CXorf66: variants seen among roughly 807,000 people sequenced by gnomAD.
CXorf66 encodes chromosome X open reading frame 66, also known as uncharacterized protein CXorf66.
CXorf66 carries 6 observed loss-of-function variants against 5.0 expected under a neutral mutation model. That is an observed-to-expected ratio of 1.20 (90% CI 0.65 to 2.36). CXorf66 has a LOEUF of 2.36. CXorf66 is among the 30% of genes most tolerant of loss of function. The pLI, the probability that CXorf66 is intolerant of heterozygous loss-of-function variation, is 0.00. For synonymous variants in CXorf66, 98 were observed against 102.8 expected, an observed-to-expected ratio of 0.95 and a Z score of 0.28; for missense variants, 270 against 254.9, an observed-to-expected ratio of 1.06 and a Z score of -0.40.
At chrX:139,962,111 C>A (rs1330109726) in intron 1 of CXorf66, among the ~76,000 whole-genome samples, 1 of 110,597 alleles carries the variant, frequency 9.0e-6, no homozygotes, top group Non-Finnish European at 1.9e-5. Context: ...AAAAACCCTT[C>A]AAAAAAATCA....
In CXorf66 at chrX:139,955,985, A is replaced by G; in HGVS notation, c.997T>C (p.Tyr333His). 1 of 1,210,012 alleles carries G rather than the reference A, an allele frequency of 8.3e-7. No homozygotes were observed. The highest frequency in any genetic ancestry group is 1.1e-6 in the Non-Finnish European group (1 of 894,084). Residue 333 changes from tyrosine to histidine, a missense_variant, in exon 3 of 3, where the codon TAT becomes CAT. Tyr to His is a moderately conservative substitution (Grantham distance 83). Transcript: ENST00000370540. ...HVNDSDTMKYYSEVDSDKVII... is the reference protein window; with the variant it reads ...HVNDSDTMKYHSEVDSDKVII... ...ACTTTATCACTGTCAACCTCACTAT[A>G]ATATTTCATCGTATCACTGTCATTC...
chrX:139,959,023 G>GT (rs893547483), intron 1 of CXorf66, among the ~76,000 whole-genome samples: 3 of 111,603 alleles, frequency 2.7e-5, no homozygotes, highest in Admixed American at 9.6e-5. Context: ...AGCTGTAGCA[G>GT]TTTTTTTTCC....
At chrX:139,963,530 A>G (rs1267909862) in intron 1 of CXorf66, among the ~76,000 whole-genome samples, 3 of 112,159 alleles carry the variant, frequency 2.7e-5, no homozygotes, top group Non-Finnish European at 3.8e-5. Context: ...TCAAGCTACC[A>G]CTGACTTTCT....
rs776016336 is a variant in CXorf66 at position 139,964,070 on chromosome X, A to G, written c.88+1339T>C. On this transcript the variant is annotated intron_variant, in intron 1 of 2. Coordinates refer to ENST00000370540, the MANE Select transcript of CXorf66 (RefSeq NM_001013403.3). ...AAGCCAAAATTGACAAATGGAATCT[A>G]ATTAAACTAAAGAGCTTCTGCACAG... is the stretch of plus-strand genomic sequence containing the variant. 5.4e-5 allele frequency among the ~76,000 whole-genome samples: 6 copies of G among 112,036 alleles called. No individual in the cohort carries two copies. In the East Asian group the frequency reaches 1.7e-3, roughly 32 times the overall value.
rs140101858 is a variant in CXorf66, at chrX:139,960,366, A to C, written c.89-2149T>G. Reference sequence around the variant, plus strand: ...ACTTACTGAAATAAGGTGTGAAAACAGGATTAGAGAAAAAAGAATGAAAAA... The same window carrying C: ...ACTTACTGAAATAAGGTGTGAAAACCGGATTAGAGAAAAAAGAATGAAAAA... On this transcript the variant is annotated intron_variant, in intron 1 of 2. Transcript: ENST00000370540. Among the ~76,000 whole-genome samples, 826 of 109,540 alleles carry C rather than the reference A, an allele frequency of 7.5e-3. 5 individuals are homozygous for C. Among genetic ancestry groups the C allele is most frequent in the Non-Finnish European group, 0.012 (638 of 52,817 alleles).
intron 1 of CXorf66, among the ~76,000 whole-genome samples, chrX:139,964,414 C>T (rs1926642769): frequency 9.0e-6 from 1 of 111,603 alleles, no homozygotes; most frequent in African/African-American, 3.3e-5. Flanking sequence ...CTGGAAACAA[C>T]AGATGCTGAT....
intron 2 of CXorf66, among the ~76,000 whole-genome samples, chrX:139,957,382 AAGAG>A (rs1292324339): frequency 3.6e-5 from 4 of 110,900 alleles, no homozygotes; most frequent in East Asian, 2.8e-4. Flanking sequence ...CACAAAGAGA[AAGAG>A]AGAGAGAGAA....
Position 139,956,209 on chromosome X carries a change from G to A in CXorf66, c.773C>T (p.Ser258Phe), listed in dbSNP as rs1230564375. ...SVSLGRAALL[S>F]NSELAETCQP... ...ACAAGTTTCAGCTAATTCAGAGTTGGATAATAAGGCTGCCCTGCCTAGACT... is the reference window on the plus strand; with the variant it reads ...ACAAGTTTCAGCTAATTCAGAGTTGAATAATAAGGCTGCCCTGCCTAGACT... Residue 258 changes from serine to phenylalanine, a missense_variant, in exon 3 of 3, where the codon TCC (serine) becomes TTC (phenylalanine). Ser to Phe is a radical substitution (Grantham distance 155). Transcript: ENST00000370540. The A allele has an allele frequency of 8.3e-7, 1 of 1,211,493 alleles. No individual in the cohort carries two copies. Among genetic ancestry groups the A allele is most frequent in the Non-Finnish European group, 1.1e-6 (1 of 895,165 alleles).
At chrX:139,961,756 GTT>G (rs1200782782) in intron 1 of CXorf66, among the ~76,000 whole-genome samples, 1 of 111,757 alleles carries the variant, frequency 8.9e-6, no homozygotes, top group African/African-American at 3.3e-5. Flanking sequence ...TAGAACTCAG[GTT>G]TAAGAAACTC....
chrX:139,956,406 A>T lies in CXorf66; in HGVS notation c.576T>A (p.Cys192Ter). 3.3e-6 allele frequency: 4 copies of T among 1,211,980 alleles called. No homozygotes were observed. Among genetic ancestry groups the T allele is most frequent in the Non-Finnish European group, 4.5e-6 (4 of 895,564 alleles). The change falls in exon 3 of 3, where the codon TGT (cysteine) becomes TGA (stop). Residue 192 changes from cysteine (C) to a stop codon, truncating the protein, a stop_gained. Transcript: ENST00000370540. LOFTEE classifies it low-confidence loss of function (END_TRUNC). ...CTAGCTTACACGCATAGTCTAGCTT[A>T]CATAATTTTTCTAGGCTGCCTTTCT... ...AHKKGSLEKL[C>*]KLDYACKLAS...
intron 1 of CXorf66, among the ~76,000 whole-genome samples, chrX:139,961,063 C>G (rs1429581622): frequency 9.0e-6 from 1 of 111,676 alleles, no homozygotes; most frequent in Non-Finnish European, 1.9e-5. Context: ...ATGACAGGAT[C>G]AACTTCACAC....
chrX:139,956,651 G>A lies in CXorf66; in HGVS notation c.331C>T (p.Pro111Ser). 1 of 1,211,385 alleles carries A rather than the reference G, an allele frequency of 8.3e-7. No individual in the cohort carries two copies. Among genetic ancestry groups the A allele is most frequent in the South Asian group, 1.8e-5 (1 of 56,998 alleles). Residue 111 changes from proline (P) to serine (S), a missense_variant, in exon 3 of 3, where the codon CCC becomes TCC. Transcript: ENST00000370540. Reference protein sequence around the residue: ...TASQCSPETQPMLSTADKSSD... With the variant: ...TASQCSPETQSMLSTADKSSD... ...GACTTGTCTGCAGTAGATAGCATGGGTTGTGTTTCTGGACTGCATTGAGAG... is the reference window on the plus strand; with the variant it reads ...GACTTGTCTGCAGTAGATAGCATGGATTGTGTTTCTGGACTGCATTGAGAG...
rs550897093 is a variant in CXorf66, at chrX:139,961,483, G to A, written c.89-3266C>T. Among the ~76,000 whole-genome samples, 31 of 111,762 alleles carry A rather than the reference G, an allele frequency of 2.8e-4. No homozygotes were observed. The South Asian group carries it at 0.011, about 39-fold the overall frequency. ...TTAGACTCCCACACAATAATAGTGGGAAACTTTAACATCCCACTGTCAATA... is the reference window on the plus strand; with the variant it reads ...TTAGACTCCCACACAATAATAGTGGAAAACTTTAACATCCCACTGTCAATA... On this transcript the variant is annotated intron_variant, in intron 1 of 2. Transcript: ENST00000370540.
chrX:139,959,357 C>T, intron 1 of CXorf66, among the ~76,000 whole-genome samples: 1 of 112,009 alleles, frequency 8.9e-6, no homozygotes, highest in Middle Eastern at 4.6e-3. Context: ...GCCAGACTGC[C>T]TCTCTAGATT....
At chrX:139,965,122 C>G (rs1210616649) in intron 1 of CXorf66, among the ~76,000 whole-genome samples, 1 of 111,446 alleles carries the variant, frequency 9.0e-6, no homozygotes, top group African/African-American at 3.3e-5. Flanking sequence ...TGTTAAGTCC[C>G]TTGCCAGATT....
Position 139,965,415 on chromosome X carries a change from T to C in CXorf66, c.82A>G (p.Thr28Ala). Residue 28 changes from threonine (T) to alanine (A), a missense_variant, in exon 1 of 3, where the codon ACT (threonine) becomes GCT (alanine). By Grantham distance (58) the Thr-to-Ala change is moderately conservative. Transcript: ENST00000370540. ...MTTNQTNGSS[T>A]TGDKPVESMQ... ...TTTAAGGTTAGGCACCTACCTGTAGTAGAAGATCCATTGGTTTGGTTTGTA... is the reference window on the plus strand; with the variant it reads ...TTTAAGGTTAGGCACCTACCTGTAGCAGAAGATCCATTGGTTTGGTTTGTA... 8.4e-7 allele frequency: 1 copy of C among 1,196,367 alleles called. No individual in the cohort carries two copies. The highest frequency in any genetic ancestry group is 1.7e-5 in the African/African-American group (1 of 57,507).
chrX:139,963,799 A>AAG (rs1414964791), intron 1 of CXorf66, among the ~76,000 whole-genome samples: 4 of 111,137 alleles, frequency 3.6e-5, no homozygotes, highest in African/African-American at 9.9e-5. Context: ...CCTGACAAAA[A>AAG]CAAGTAATGG....
At chrX:139,961,956 A>T (rs1305208060) in intron 1 of CXorf66, among the ~76,000 whole-genome samples, 2 of 112,099 alleles carry the variant, frequency 1.8e-5, no homozygotes, top group Admixed American at 1.9e-4. Flanking sequence ...CTAAATGCCC[A>T]CATCAGAAAG....
At position 139,956,504 on chromosome X, in the gene CXorf66, A is replaced by G. The variant is rs1298408656; in HGVS notation, c.478T>C (p.Tyr160His). 2 of 1,210,053 alleles carry G rather than the reference A, an allele frequency of 1.7e-6. No individual in the cohort carries two copies. Among genetic ancestry groups the G allele is most frequent in the Non-Finnish European group, 1.1e-6 (1 of 895,321 alleles). The change falls in exon 3 of 3, where the codon TAT becomes CAT. Residue 160 changes from tyrosine to histidine, a missense_variant. Physicochemically the swap from Tyr to His is moderately conservative, Grantham distance 83. Coordinates refer to ENST00000370540, the MANE Select transcript of CXorf66 (RefSeq NM_001013403.3). ...NSAGKLTRPS[Y>H]PKRSSKSSCS... ...GATGACTTGGATGACCTTTTTGGAT[A>G]TGATGGCCTAGTTAACTTTCCTGCA...
Sources: gnomAD v4.1 joint callset for allele counts (sites outside exome capture counted in the v4.1 genomes callset) on GRCh38, gnomAD v4.1.1 for gene constraint, MANE v1.5 for transcripts, NCBI Gene and HGNC (gene_info 2026-07-23, HGNC 2026-07-21) for gene names.